DCDC2C: variants seen among roughly 807,000 people sequenced by gnomAD.
The protein encoded by DCDC2C is doublecortin domain-containing protein 2C.
Under a neutral mutation model 45.0 loss-of-function variants are expected in DCDC2C, and 44 were observed. The observed-to-expected ratio is 0.98, with a 90% CI of 0.77 to 1.26. The LOEUF is 1.26. Among genes scored for constraint, DCDC2C ranks in the 50% most tolerant of loss-of-function variants. DCDC2C has a pLI of 0.00. For synonymous variants in DCDC2C, 187 were observed against 178.8 expected, an observed-to-expected ratio of 1.05 and a Z score of -0.37; for missense variants, 447 against 468.9, an observed-to-expected ratio of 0.95 and a Z score of 0.43.
At chr2:3,780,718 G>A (rs1670487297) in intron 9 of DCDC2C, among the ~76,000 whole-genome samples, 1 of 152,122 alleles carries the variant, frequency 6.6e-6, no homozygotes, top group South Asian at 2.1e-4. Context: ...CACATACCCA[G>A]CCCTGTCTCC....
rs935283323 is a variant in DCDC2C at position 3,840,843 on chromosome 2, G to A, written c.1066-6311G>A. Among the ~76,000 whole-genome samples the A allele has an allele frequency of 2.6e-5, 4 of 152,320 alleles. No individual in the cohort carries two copies. In the East Asian group the frequency reaches 5.8e-4, roughly 22 times the overall value. On this transcript the variant is annotated intron_variant, in intron 10 of 10. Coordinates refer to ENST00000399143, the MANE Select transcript of DCDC2C (RefSeq NM_001287444.2). ...TGCGAGTTTCGCAGTGAAAGTGTCC[G>A]CCGCGAGGCCCCGTGATTCACTACC...
chr2:3,792,850 A>G (rs539544280), intron 10 of DCDC2C, among the ~76,000 whole-genome samples: 1 of 152,380 alleles, frequency 6.6e-6, no homozygotes, highest in South Asian at 2.1e-4. Context: ...TTGAAAGTCC[A>G]CAGACACTTT....
intron 4 of DCDC2C, among the ~76,000 whole-genome samples, chr2:3,751,370 T>C (rs981728184): frequency 2.2e-4 from 33 of 152,342 alleles, no homozygotes; most frequent in African/African-American, 7.7e-4. Flanking sequence ...ATTCCAAGCA[T>C]TGGGTTTCCC....
At chr2:3,810,304 T>C (rs1386340691) in intron 10 of DCDC2C, among the ~76,000 whole-genome samples, 2 of 152,238 alleles carry the variant, frequency 1.3e-5, no homozygotes, top group East Asian at 1.9e-4. Context: ...TGTGAGAGAG[T>C]ATCTCATTGT....
At chr2:3,709,514 C>G (rs986656046) in intron 2 of DCDC2C, among the ~76,000 whole-genome samples, 1 of 152,208 alleles carries the variant, frequency 6.6e-6, no homozygotes, top group Non-Finnish European at 1.5e-5. Context: ...TGGAGTCTGC[C>G]CTTGAGGGCA....
chr2:3,786,916 A>G (rs544921941), intron 10 of DCDC2C, among the ~76,000 whole-genome samples: 1 of 152,284 alleles, frequency 6.6e-6, no homozygotes, highest in Non-Finnish European at 1.5e-5. Context: ...CCTGAAAAGT[A>G]TAACATATCT....
chr2:3,788,762 TCTTC>T (rs1484934853), intron 10 of DCDC2C, among the ~76,000 whole-genome samples: 3 of 142,226 alleles, frequency 2.1e-5, no homozygotes, highest in African/African-American at 7.7e-5. Flanking sequence ...TAAATGTTTT[TCTTC>T]CTTTCTTCCG....
intron 3 of DCDC2C, among the ~76,000 whole-genome samples, chr2:3,738,206 T>G (rs567122935): frequency 6.6e-6 from 1 of 152,234 alleles, no homozygotes; most frequent in African/African-American, 2.4e-5. Flanking sequence ...CAGTGCACCA[T>G]TGACAGTTCA....
chr2:3,731,286 T>C (rs1668860356), intron 3 of DCDC2C, among the ~76,000 whole-genome samples: 1 of 152,152 alleles, frequency 6.6e-6, no homozygotes, highest in African/African-American at 2.4e-5. Flanking sequence ...GGTCCACAAG[T>C]CTCAGGACCA....
chr2:3,741,817 T>G, intron 3 of DCDC2C, 103 bp from the exon 4 acceptor site: 1 of 1,250,868 alleles, frequency 8.0e-7, no homozygotes, highest in Non-Finnish European at 1.1e-6. Context: ...GCTTAGTGCA[T>G]CTCATTGTTT....
Position 3,767,798 on chromosome 2 carries a change from C to A in DCDC2C, c.771C>A (p.Pro257=), listed in dbSNP as rs768431754. ...GKEPCKYDGI[P]PKTQDSVYYA... ...AACCTTGTAAATATGATGGCATACC[C>A]CCTAAAACACAGGATTCTGTTTATT... The change falls in exon 7 of 11, where the codon CCC becomes CCA. Residue 257 remains proline (P), a synonymous_variant. Coordinates refer to ENST00000399143, the MANE Select transcript of DCDC2C (RefSeq NM_001287444.2). 1 of 1,549,828 alleles carries A rather than the reference C, an allele frequency of 6.5e-7. No individual in the cohort carries two copies. The highest frequency in any genetic ancestry group is 2.0e-5 in the Admixed American group (1 of 50,804).
chr2:3,727,048 C>G lies in DCDC2C; in HGVS notation c.385C>G (p.Gln129Glu). The change falls in exon 3 of 11, where the codon CAA becomes GAA. Residue 129 changes from glutamine (Q) to glutamate (E), a missense_variant. Transcript: ENST00000399143. ...HCDINVPSKWQTYHRISRHIN... is the reference protein window; with the variant it reads ...HCDINVPSKWETYHRISRHIN... ...TGATATAAATGTGCCTTCCAAGTGG[C>G]AAACATATCATCGTATATCTCGACA... The G allele has an allele frequency of 6.4e-7, 1 of 1,550,388 alleles. No individual in the cohort carries two copies. Among genetic ancestry groups the G allele is most frequent in the Non-Finnish European group, 8.7e-7 (1 of 1,146,914 alleles).
chr2:3,707,260 G>C (rs1449992607), intron 1 of DCDC2C, among the ~76,000 whole-genome samples: 1 of 152,100 alleles, frequency 6.6e-6, no homozygotes, highest in Admixed American at 6.5e-5. Context: ...TTGTGTTTTT[G>C]TAGGATCTTT....
At chr2:3,790,242 A>C (rs187308555) in intron 10 of DCDC2C, among the ~76,000 whole-genome samples, 1 of 152,360 alleles carries the variant, frequency 6.6e-6, no homozygotes, top group Admixed American at 6.5e-5. Flanking sequence ...ATTTGCTACT[A>C]GCTATTAGAC....
intron 10 of DCDC2C, among the ~76,000 whole-genome samples, chr2:3,831,327 A>G (rs1346012893): frequency 6.6e-6 from 1 of 152,236 alleles, no homozygotes; most frequent in Non-Finnish European, 1.5e-5. Flanking sequence ...TGCAAACGTC[A>G]GAGAGCGACG....
chr2:3,845,593 T>G (rs1441407431), intron 10 of DCDC2C, among the ~76,000 whole-genome samples: 3 of 152,256 alleles, frequency 2.0e-5, no homozygotes, highest in African/African-American at 7.2e-5. Context: ...GGGGGACATT[T>G]GTAATCAAAT....
intron 10 of DCDC2C, among the ~76,000 whole-genome samples, chr2:3,800,341 C>T (rs748270329): frequency 6.6e-6 from 1 of 152,216 alleles, no homozygotes. Flanking sequence ...GTGTCACTCA[C>T]TCTGGGAGCT....
At chr2:3,842,929 C>A (rs1664449324) in intron 10 of DCDC2C, among the ~76,000 whole-genome samples, 2 of 152,220 alleles carry the variant, frequency 1.3e-5, no homozygotes, top group African/African-American at 4.8e-5. Flanking sequence ...AGTTGCCTGG[C>A]CCCGTTTAGC....
chr2:3,801,440 G>A (rs1199079278), intron 10 of DCDC2C, among the ~76,000 whole-genome samples: 1 of 152,206 alleles, frequency 6.6e-6, no homozygotes, highest in Non-Finnish European at 1.5e-5. Context: ...ATCATTAGCT[G>A]TTGTCATTGT....
Sources: gnomAD v4.1 joint callset for allele counts (sites outside exome capture counted in the v4.1 genomes callset) on GRCh38, gnomAD v4.1.1 for gene constraint, MANE v1.5 for transcripts, NCBI Gene and HGNC (gene_info 2026-07-23, HGNC 2026-07-21) for gene names.